The following SGCZ variants were observed in gnomAD, a reference collection of about 807,000 sequenced individuals.
SGCZ encodes the protein sarcoglycan zeta.
SGCZ carries 40 observed loss-of-function variants against 41.3 expected under a neutral mutation model. The ratio of observed to expected loss-of-function variants is 0.97; its 90% CI spans 0.75 to 1.26. SGCZ has a LOEUF of 1.26. Among genes scored for constraint, SGCZ ranks in the 50% most tolerant of loss-of-function variants. The probability of loss-of-function intolerance (pLI) is 0.00; values close to 1 mark genes in which losing one functional copy is unlikely to be tolerated. For missense variants in SGCZ, 552 were observed against 369.8 expected, an observed-to-expected ratio of 1.49 and a Z score of -4.04; for synonymous variants, 206 against 137.5, an observed-to-expected ratio of 1.50 and a Z score of -3.49.
At chr8:14,441,445 C>T (rs567278796) in intron 2 of SGCZ, among the ~76,000 whole-genome samples, 10 of 152,132 alleles carry the variant, frequency 6.6e-5, no homozygotes, top group South Asian at 2.1e-4. Flanking sequence ...CGTGGTGGCA[C>T]GCACGGGTAA....
chr8:15,074,959 G>A (rs1805477410), intron 1 of SGCZ, among the ~76,000 whole-genome samples: 1 of 152,030 alleles, frequency 6.6e-6, no homozygotes, highest in South Asian at 2.1e-4. Flanking sequence ...TCAGCTAGAC[G>A]GTGAATATTC....
At chr8:14,309,003 C>A in intron 3 of SGCZ, 2 of 1,019,118 alleles carry the variant, frequency 2.0e-6, no homozygotes. Context: ...CGCACCCGGC[C>A]TCAGCCTCAC....
intron 2 of SGCZ, among the ~76,000 whole-genome samples, chr8:14,351,857 C>G (rs1440557397): frequency 6.6e-6 from 1 of 151,990 alleles, no homozygotes; most frequent in East Asian, 1.9e-4. Context: ...AAGCATTGGG[C>G]TTTTAAGTAG....
intron 1 of SGCZ, among the ~76,000 whole-genome samples, chr8:15,211,744 C>T (rs977333146): frequency 6.6e-6 from 1 of 152,110 alleles, no homozygotes; most frequent in Non-Finnish European, 1.5e-5. Flanking sequence ...TATCTTCAAC[C>T]TCTCCCCTTC....
chr8:14,955,555 C>T (rs973998617), intron 1 of SGCZ, among the ~76,000 whole-genome samples: 2 of 152,094 alleles, frequency 1.3e-5, no homozygotes, highest in African/African-American at 2.4e-5. Context: ...ATATTGTTAC[C>T]GATACATGGT....
intron 1 of SGCZ, among the ~76,000 whole-genome samples, chr8:15,102,228 A>G (rs1230285646): frequency 6.6e-6 from 1 of 152,160 alleles, no homozygotes; most frequent in Non-Finnish European, 1.5e-5. Context: ...AGTAATAACA[A>G]ATTAGCTTCC....
At chr8:15,088,436 T>C (rs1227862659) in intron 1 of SGCZ, among the ~76,000 whole-genome samples, 1 of 152,122 alleles carries the variant, frequency 6.6e-6, no homozygotes, top group Non-Finnish European at 1.5e-5. Context: ...TTCAGAAAAA[T>C]TTAATGTGTT....
intron 1 of SGCZ, among the ~76,000 whole-genome samples, chr8:14,851,613 A>T (rs1803327679): frequency 6.6e-6 from 1 of 152,278 alleles, no homozygotes; most frequent in South Asian, 2.1e-4. Context: ...GTCAAAACAC[A>T]TTACCAATTA....
intron 1 of SGCZ, among the ~76,000 whole-genome samples, chr8:14,896,676 C>T (rs190189658): frequency 8.2e-4 from 125 of 152,126 alleles, no homozygotes; most frequent in Middle Eastern, 3.4e-3. Context: ...GGGGTTTCAC[C>T]ATGTTGGTCA....
In SGCZ at chr8:14,525,398, T is replaced by A. The variant is rs191605183; in HGVS notation, c.234+29334A>T. On this transcript the variant is annotated intron_variant, in intron 2 of 7. Transcript: ENST00000382080. ...GATGATTCCAAGAATTTGGAAGCAA[T>A]TGAATATTTCTTTTAAAAAAGATTA... Among the ~76,000 whole-genome samples, 32 of 152,282 alleles carry A rather than the reference T, an allele frequency of 2.1e-4. No homozygotes were observed. In the East Asian group the frequency reaches 6.0e-3, roughly 29 times the overall value.
Position 14,929,373 on chromosome 8 carries a change from G to C in SGCZ, c.39+308212C>G, listed in dbSNP as rs374150430. 3.3e-5 allele frequency among the ~76,000 whole-genome samples: 5 copies of C among 152,198 alleles called. No individual in the cohort carries two copies. The East Asian group carries it at 9.7e-4, about 29-fold the overall frequency. On this transcript the variant is annotated intron_variant, in intron 1 of 7. Coordinates refer to ENST00000382080, the MANE Select transcript of SGCZ (RefSeq NM_139167.4). Reference sequence around the variant, plus strand: ...TGAGAGGCATATGCTTTAGATATGAGAGTAAGGCTGAATTTTCATACTATG... The same window carrying C: ...TGAGAGGCATATGCTTTAGATATGACAGTAAGGCTGAATTTTCATACTATG...
intron 1 of SGCZ, among the ~76,000 whole-genome samples, chr8:15,036,759 G>C (rs987773186): frequency 2.6e-5 from 4 of 151,848 alleles, no homozygotes; most frequent in African/African-American, 9.7e-5. Flanking sequence ...TCTGATACTG[G>C]GTTAGGACAA....
chr8:14,138,968 G>C (rs1245629200), intron 5 of SGCZ, among the ~76,000 whole-genome samples: 2 of 152,092 alleles, frequency 1.3e-5, no homozygotes, highest in Non-Finnish European at 2.9e-5. Context: ...AAATGTAAAA[G>C]AACAGAAATC....
chr8:14,667,855 T>C (rs569646178), intron 1 of SGCZ, among the ~76,000 whole-genome samples: 2 of 152,284 alleles, frequency 1.3e-5, no homozygotes, highest in Admixed American at 1.3e-4. Context: ...ATTGCTAAAA[T>C]AAATACTATC....
intron 3 of SGCZ, among the ~76,000 whole-genome samples, chr8:14,283,888 T>A (rs757939372): frequency 6.6e-6 from 1 of 152,238 alleles, no homozygotes; most frequent in Non-Finnish European, 1.5e-5. Flanking sequence ...AAAATTTCAA[T>A]TGACCTAAGA....
chr8:14,097,285 G>A (rs1247883142), intron 7 of SGCZ, among the ~76,000 whole-genome samples: 1 of 152,120 alleles, frequency 6.6e-6, no homozygotes, highest in Non-Finnish European at 1.5e-5. Context: ...AGAGATTCTG[G>A]TATGTTGTGT....
chr8:15,115,963 A>C (rs1807254338), intron 1 of SGCZ, among the ~76,000 whole-genome samples: 1 of 152,226 alleles, frequency 6.6e-6, no homozygotes, highest in South Asian at 2.1e-4. Flanking sequence ...CCACATAGAA[A>C]GTATTTTAGG....
intron 3 of SGCZ, among the ~76,000 whole-genome samples, chr8:14,266,126 A>G (rs1009490037): frequency 1.3e-4 from 20 of 152,150 alleles, no homozygotes; most frequent in African/African-American, 4.8e-4. Flanking sequence ...CATAAAGATC[A>G]AAGATGACCA....
chr8:14,967,463 T>A (rs1490782792), intron 1 of SGCZ, among the ~76,000 whole-genome samples: 1 of 152,182 alleles, frequency 6.6e-6, no homozygotes, highest in African/African-American at 2.4e-5. Flanking sequence ...CAATTATGAC[T>A]TCGGTCATAA....
Sources: gnomAD v4.1 joint callset for allele counts (sites outside exome capture counted in the v4.1 genomes callset) on GRCh38, gnomAD v4.1.1 for gene constraint, MANE v1.5 for transcripts, NCBI Gene and HGNC (gene_info 2026-07-23, HGNC 2026-07-21) for gene names.